Variants in TRIOBP observed in about 807,000 individuals in gnomAD.
The protein encoded by TRIOBP is TRIO and F-actin binding protein.
A neutral mutation model predicts 238.8 loss-of-function variants in TRIOBP; 169 were observed. The observed-to-expected ratio is 0.71, with a 90% CI of 0.62 to 0.80. TRIOBP has a LOEUF of 0.80. Among genes scored for constraint, TRIOBP ranks in the 30% least tolerant of loss-of-function variants. The pLI is 0.00. For missense variants in TRIOBP, 2,838 were observed against 3,122.6 expected (o/e 0.91, Z 2.17); for synonymous variants, 1,150 against 1,274.4 (o/e 0.90, Z 2.08).
chr22:37,771,339 T>A (rs1488551232), intron 21 of TRIOBP, among the ~76,000 whole-genome samples: 1 of 151,912 alleles, frequency 6.6e-6, no homozygotes, highest in East Asian at 1.9e-4. Flanking sequence ...CCTGCTCAGG[T>A]TTATGTAGGG....
At chr22:37,722,962 G>A (rs1311548797) in intron 6 of TRIOBP, among the ~76,000 whole-genome samples, 4 of 152,184 alleles carry the variant, frequency 2.6e-5, no homozygotes, top group Admixed American at 2.6e-4. Flanking sequence ...GTGAGTCAGG[G>A]TCTCAATTTC....
chr22:37,753,807 C>G (rs1302469388), intron 12 of TRIOBP, among the ~76,000 whole-genome samples: 2 of 152,202 alleles, frequency 1.3e-5, no homozygotes, highest in Non-Finnish European at 2.9e-5. Context: ...ACCAACAGCA[C>G]AGACAGGGCT....
chr22:37,701,350 GC>G lies in TRIOBP; in HGVS notation c.-14del. The G allele has an allele frequency of 6.2e-7, 1 of 1,601,210 alleles. No individual in the cohort carries two copies. The highest frequency in any genetic ancestry group is 1.1e-5 in the South Asian group (1 of 89,458). On this transcript the variant is annotated 5_prime_UTR_variant, in exon 3 of 24. Coordinates refer to ENST00000644935, the MANE Select transcript of TRIOBP (RefSeq NM_001039141.3). ...CCATTGGATCATAGGAACTGCCCTGGCCTGACTCACCCAATATGGAGGAGGT... is the reference window on the plus strand; with the variant it reads ...CCATTGGATCATAGGAACTGCCCTGGCTGACTCACCCAATATGGAGGAGGT...
chr22:37,738,562 G>T, intron 9 of TRIOBP, 80 bp from the exon 10 acceptor site: 1 of 1,366,320 alleles, frequency 7.3e-7, no homozygotes, highest in Non-Finnish European at 1.0e-6. Flanking sequence ...ACAGATGATA[G>T]AATGGATGGA....
In TRIOBP at chr22:37,725,230, C is replaced by T. The variant is rs749092668; in HGVS notation, c.2674C>T (p.Pro892Ser). ...SPHRSTQWNN[P>S]RNSSPHRTNK... ...CCACCGCTCCACTCAATGGAACAAT[C>T]CCAGGAATTCATCTCCCCATCGTAC... The change falls in exon 7 of 24, where the codon CCC (proline) becomes TCC (serine). Residue 892 changes from proline to serine, a missense_variant. Physicochemically the swap from Pro to Ser is moderately conservative, Grantham distance 74. Coordinates refer to ENST00000644935, the MANE Select transcript of TRIOBP (RefSeq NM_001039141.3). 2 of 1,614,092 alleles carry T rather than the reference C, an allele frequency of 1.2e-6. No individual in the cohort carries two copies. The highest frequency in any genetic ancestry group is 1.1e-5 in the South Asian group (1 of 91,084).
rs752797255 is a variant in TRIOBP, at chr22:37,697,570, C to G, written c.-169-18C>G. The G allele has an allele frequency of 6.6e-6, 1 of 152,330 alleles. No individual in the cohort carries two copies. Among genetic ancestry groups the G allele is most frequent in the African/African-American group, 2.4e-5 (1 of 41,454 alleles). 9.4% of individuals were successfully genotyped at this position (152,330 alleles called of 1,614,324 possible). A position where few individuals can be genotyped will look rare whatever the true frequency, so the allele number is the denominator to read the frequency against. On this transcript the variant is annotated intron_variant, in intron 1 of 23. Coordinates refer to ENST00000644935, the MANE Select transcript of TRIOBP (RefSeq NM_001039141.3). The stretch of plus-strand genomic sequence containing the variant: ...CCACCGTGCCTTGCTGTCGCCCCCA[C>G]CGCATTCCCTTCTCCAGGTCTGATG...
intron 12 of TRIOBP, among the ~76,000 whole-genome samples, chr22:37,752,825 A>C (rs1925694618): frequency 6.6e-6 from 1 of 152,114 alleles, no homozygotes; most frequent in Non-Finnish European, 1.5e-5. Context: ...GGGTTCTGGA[A>C]TGTCCGAACT....
At chr22:37,741,439 G>T (rs559763568) in intron 11 of TRIOBP, among the ~76,000 whole-genome samples, 1 of 152,200 alleles carries the variant, frequency 6.6e-6, no homozygotes, top group Admixed American at 6.5e-5. Context: ...AACATCTGGC[G>T]TTACGTAACC....
At chr22:37,701,625 A>G in intron 3 of TRIOBP, 146 bp downstream of exon 3, 1 of 659,018 alleles carries the variant, frequency 1.5e-6, no homozygotes, top group Non-Finnish European at 2.8e-6. Flanking sequence ...ATTGCAGGGA[A>G]GTGGTTGAAC....
At chr22:37,763,976 C>G (rs1425927746) in intron 17 of TRIOBP, among the ~76,000 whole-genome samples, 1 of 152,244 alleles carries the variant, frequency 6.6e-6, no homozygotes, top group Non-Finnish European at 1.5e-5. Context: ...ATCTTCAAAG[C>G]CTGCAGAGGG....
At chr22:37,710,328 G>C in intron 3 of TRIOBP, 99 bp from the exon 4 acceptor site, 6 of 1,552,092 alleles carry the variant, frequency 3.9e-6, no homozygotes, top group Non-Finnish European at 4.4e-6. Context: ...CCCCCGAGGA[G>C]ATGCCTGGAG....
chr22:37,714,671 GA>G (rs879429934), intron 5 of TRIOBP, among the ~76,000 whole-genome samples: 37 of 142,780 alleles, frequency 2.6e-4, no homozygotes, highest in East Asian at 4.1e-4. Flanking sequence ...CTTAAATAGA[GA>G]AAAAAAAAAA....
chr22:37,738,673 C>T lies in TRIOBP; in HGVS notation c.5138C>T (p.Pro1713Leu). The change falls in exon 10 of 24, where the codon CCA becomes CTA. Residue 1713 changes from proline (P) to leucine (L), a missense_variant. By Grantham distance (98) the Pro-to-Leu change is moderately conservative (BLOSUM62 -3). Around this residue, in one of 5 missense-constraint regions of TRIOBP, gnomAD observed 2,096 missense variants for 2,137.4 expected, o/e 0.98. Transcript: ENST00000644935. ...CCAGAGGAGCCTGAGGAGTCAGAAC[C>T]AAGCAGAGGCCAAGACCCCCTGACT... ...FQPEEPEESEPSRGQDPLTDQ... is the reference protein window; with the variant it reads ...FQPEEPEESELSRGQDPLTDQ... 3 of 1,613,858 alleles carry T rather than the reference C, an allele frequency of 1.9e-6. No individual in the cohort carries two copies. Among genetic ancestry groups the T allele is most frequent in the Non-Finnish European group, 2.5e-6 (3 of 1,179,944 alleles).
chr22:37,723,170 C>G lies in TRIOBP; in HGVS notation c.629-15C>G. Reference sequence around the variant, plus strand: ...ACCTCTCCCCTTACCTTGAGCCCCTCTCTTCTCTCTCCAGACACCGGCGGT... The same window carrying G: ...ACCTCTCCCCTTACCTTGAGCCCCTGTCTTCTCTCTCCAGACACCGGCGGT... On this transcript the variant is annotated splice_polypyrimidine_tract_variant and intron_variant, in intron 6 of 23. Coordinates refer to ENST00000644935, the MANE Select transcript of TRIOBP (RefSeq NM_001039141.3). 6.2e-7 allele frequency: 1 copy of G among 1,613,634 alleles called. No homozygotes were observed. Among genetic ancestry groups the G allele is most frequent in the African/African-American group, 1.3e-5 (1 of 75,026 alleles).
At position 37,735,025 on chromosome 22, in the gene TRIOBP, T is replaced by C. The variant is rs369840532; in HGVS notation, c.4689T>C (p.Leu1563=). ...CCGAGCTTGACTGGAGGGATCTGCT[T>C]GGCCTTCTCCGGGCACCAGGAGAGG... ...RRPELDWRDL[L]GLLRAPGEGV... Residue 1563 remains leucine (L), a synonymous_variant, in exon 9 of 24, where the codon CTT becomes CTC. Transcript: ENST00000644935. 2 of 1,609,914 alleles carry C rather than the reference T, an allele frequency of 1.2e-6. No individual in the cohort carries two copies. Among genetic ancestry groups the C allele is most frequent in the African/African-American group, 2.7e-5 (2 of 74,820 alleles).
chr22:37,768,128 A>G lies in TRIOBP; in HGVS notation c.6527A>G (p.Lys2176Arg). Residue 2176 changes from lysine to arginine, a missense_variant, in exon 19 of 24, where the codon AAA (lysine) becomes AGA (arginine). Physicochemically the swap from Lys to Arg is conservative, Grantham distance 26. Coordinates refer to ENST00000644935, the MANE Select transcript of TRIOBP (RefSeq NM_001039141.3). Reference protein sequence around the residue: ...YQEELSRELSKTRSLQQGPDG... With the variant: ...YQEELSRELSRTRSLQQGPDG... Reference sequence around the variant, plus strand: ...GAAGAGCTGAGCCGAGAGCTGAGCAAAACACGGAGTCTCCAGCAGGGCCCG... The same window carrying G: ...GAAGAGCTGAGCCGAGAGCTGAGCAGAACACGGAGTCTCCAGCAGGGCCCG... 1 of 1,613,790 alleles carries G rather than the reference A, an allele frequency of 6.2e-7. No individual in the cohort carries two copies. Among genetic ancestry groups the G allele is most frequent in the Non-Finnish European group, 8.5e-7 (1 of 1,179,856 alleles).
intron 7 of TRIOBP, among the ~76,000 whole-genome samples, chr22:37,729,272 G>A (rs1008750564): frequency 2.0e-5 from 3 of 151,442 alleles, no homozygotes; most frequent in African/African-American, 7.3e-5. Flanking sequence ...CAGTAGTGCA[G>A]TGGCGTGATC....
intron 9 of TRIOBP, among the ~76,000 whole-genome samples, chr22:37,737,019 T>C (rs1924705016): frequency 6.6e-6 from 1 of 152,208 alleles, no homozygotes; most frequent in African/African-American, 2.4e-5. Context: ...GTGGCTTTGA[T>C]GAGTTGACCC....
chr22:37,759,354 C>CTGTG (rs1926118046), intron 17 of TRIOBP, 90 bp downstream of exon 17: 2 of 1,377,844 alleles, frequency 1.5e-6, no homozygotes, highest in East Asian at 4.6e-5. Context: ...GGAGCCCTTC[C>CTGTG]TGTGTGTGCT....
Sources: gnomAD v4.1 joint callset for allele counts (sites outside exome capture counted in the v4.1 genomes callset) on GRCh38, gnomAD v4.1.1 for gene constraint, gnomAD v4.1.1 regional missense constraint, MANE v1.5 for transcripts, NCBI Gene and HGNC (gene_info 2026-07-23, HGNC 2026-07-21) for gene names.